Variants in PKIG observed in about 807,000 individuals in gnomAD.
The protein encoded by PKIG is cAMP-dependent protein kinase inhibitor gamma.
Under a neutral mutation model 6.8 loss-of-function variants are expected in PKIG, and 1 was observed. That is an observed-to-expected ratio of 0.15 (90% confidence interval 0.05 to 0.69). The LOEUF (loss-of-function observed/expected upper bound fraction) is 0.69. Ranked by LOEUF, PKIG falls within the 30% of genes least tolerant of loss-of-function variation. The pLI is 0.82. For missense variants in PKIG, 77 were observed against 104.0 expected (o/e 0.74, Z 1.13); for synonymous variants, 39 against 43.0 (o/e 0.91, Z 0.36).
In PKIG at chr20:44,554,582, G is replaced by A. The variant is rs921406016; in HGVS notation, c.-241+22604G>A. Among the ~76,000 whole-genome samples the A allele has an allele frequency of 7.9e-5, 12 of 152,106 alleles. 1 individual carries two copies. The highest frequency in any genetic ancestry group is 3.9e-4 in the Admixed American group (6 of 15,266). ...AACTGGGACAAGGGTGAGGGGGTGA[G>A]GGGGTGGCAAGTACCAGTGGGGACA... On this transcript the variant is annotated intron_variant, in intron 1 of 4. Transcript: ENST00000372887.
intron 2 of PKIG, among the ~76,000 whole-genome samples, chr20:44,601,563 C>T (rs754951949): frequency 6.6e-6 from 1 of 152,190 alleles, no homozygotes; most frequent in Non-Finnish European, 1.5e-5. Context: ...AGAGAGAAGC[C>T]GCTACCCTTG....
chr20:44,611,565 A>G (rs2065219455), intron 2 of PKIG, among the ~76,000 whole-genome samples: 1 of 146,108 alleles, frequency 6.8e-6, no homozygotes, highest in African/African-American at 2.6e-5. Flanking sequence ...CACCTAGGCT[A>G]GAGTGCAGTG....
At chr20:44,602,678 CAA>C (rs200159783) in intron 2 of PKIG, among the ~76,000 whole-genome samples, 2 of 136,386 alleles carry the variant, frequency 1.5e-5, no homozygotes. Context: ...ATTAAAAATA[CAA>C]AAAAAAAAAA....
chr20:44,558,839 C>A (rs140212947), intron 1 of PKIG, among the ~76,000 whole-genome samples: 100 of 152,046 alleles, frequency 6.6e-4, no homozygotes, highest in African/African-American at 2.2e-3. Context: ...GCAGCCTCCA[C>A]CTCCACAGCT....
chr20:44,560,591 T>C lies in PKIG; in HGVS notation c.-240-21994T>C, dbSNP rs146248460. On this transcript the variant is annotated intron_variant, in intron 1 of 4. Transcript: ENST00000372887. ...GTCTTCATATATGAGGACAGAATTC[T>C]TAGCTTGTTGTCCGTCAAGGATGGG... Among the ~76,000 whole-genome samples the C allele has an allele frequency of 2.0e-5, 3 of 152,370 alleles. No individual in the cohort carries two copies. The East Asian group carries it at 5.8e-4, about 29-fold the overall frequency.
intron 1 of PKIG, among the ~76,000 whole-genome samples, chr20:44,549,412 A>G (rs902609922): frequency 6.6e-6 from 1 of 151,886 alleles, no homozygotes; most frequent in African/African-American, 2.4e-5. Flanking sequence ...TTTCTGGATT[A>G]TTTTTCTGGA....
intron 1 of PKIG, among the ~76,000 whole-genome samples, chr20:44,549,699 C>T (rs2064650345): frequency 6.6e-6 from 1 of 152,134 alleles, no homozygotes; most frequent in Non-Finnish European, 1.5e-5. Flanking sequence ...GTATCACATG[C>T]TTGTAGTCTC....
chr20:44,612,642 T>G (rs759148319), intron 2 of PKIG, among the ~76,000 whole-genome samples: 1 of 152,220 alleles, frequency 6.6e-6, no homozygotes, highest in Non-Finnish European at 1.5e-5. Context: ...TGTGTGCTAC[T>G]GGTGGGAATA....
chr20:44,581,087 C>T (rs746243452), upstream of PKIG, among the ~76,000 whole-genome samples: 6 of 152,180 alleles, frequency 3.9e-5, no homozygotes, highest in Non-Finnish European at 7.3e-5. Context: ...ATGTGTGTGG[C>T]ATGTGTGCTG....
chr20:44,556,900 A>G (rs1010501433), intron 1 of PKIG, among the ~76,000 whole-genome samples: 1 of 152,052 alleles, frequency 6.6e-6, no homozygotes, highest in African/African-American at 2.4e-5. Context: ...CCCACTCATT[A>G]TTTTTATGAT....
At chr20:44,609,036 G>C (rs965925253) in intron 2 of PKIG, among the ~76,000 whole-genome samples, 5 of 152,178 alleles carry the variant, frequency 3.3e-5, no homozygotes, top group Non-Finnish European at 1.5e-5. Context: ...TTCCAACTCT[G>C]AGGATTCTTT....
chr20:44,604,662 G>T (rs534292256), intron 2 of PKIG, among the ~76,000 whole-genome samples: 247 of 152,324 alleles, frequency 1.6e-3, no homozygotes, highest in Non-Finnish European at 2.4e-3. Flanking sequence ...TTACATGAGA[G>T]AATGTGTGGA....
At chr20:44,613,692 C>A (rs1159784771) in intron 2 of PKIG, among the ~76,000 whole-genome samples, 1 of 152,112 alleles carries the variant, frequency 6.6e-6, no homozygotes, top group African/African-American at 2.4e-5. Flanking sequence ...TCCCACTGCC[C>A]CCCTCCTCCA....
intron 1 of PKIG, among the ~76,000 whole-genome samples, chr20:44,541,749 A>G (rs1345270903): frequency 1.3e-5 from 2 of 150,368 alleles, no homozygotes; most frequent in Non-Finnish European, 3.0e-5. Context: ...GCTGGAGTGC[A>G]ATGGATCACG....
At chr20:44,536,031 T>A (rs2064509207) in intron 1 of PKIG, among the ~76,000 whole-genome samples, 1 of 152,260 alleles carries the variant, frequency 6.6e-6, no homozygotes, top group Non-Finnish European at 1.5e-5. Context: ...TTGGTTACTC[T>A]GGATACATCG....
At chr20:44,583,541 G>A (rs1238115575) in intron 1 of PKIG, among the ~76,000 whole-genome samples, 1 of 152,138 alleles carries the variant, frequency 6.6e-6, no homozygotes, top group Admixed American at 6.5e-5. Context: ...GGCTTGCAGT[G>A]TGCTAACAGG....
At chr20:44,604,680 T>C (rs1012532644) in intron 2 of PKIG, among the ~76,000 whole-genome samples, 12 of 152,210 alleles carry the variant, frequency 7.9e-5, no homozygotes, top group Non-Finnish European at 1.6e-4. Context: ...GGAAGGCACT[T>C]ACCTTGCATA....
chr20:44,572,604 A>G (rs974561617), intron 1 of PKIG, among the ~76,000 whole-genome samples: 2 of 152,204 alleles, frequency 1.3e-5, no homozygotes, highest in African/African-American at 2.4e-5. Context: ...GAAATTGTCC[A>G]GGAGCAAAGC....
intron 2 of PKIG, among the ~76,000 whole-genome samples, chr20:44,613,609 C>T (rs1003946167): frequency 1.3e-5 from 2 of 152,138 alleles, no homozygotes; most frequent in African/African-American, 4.8e-5. Flanking sequence ...TTATTCACAC[C>T]AGAAACCTAA....
Sources: gnomAD v4.1 joint callset for allele counts (sites outside exome capture counted in the v4.1 genomes callset) on GRCh38, gnomAD v4.1.1 for gene constraint, MANE v1.5 for transcripts, NCBI Gene and HGNC (gene_info 2026-07-23, HGNC 2026-07-21) for gene names.